The following EPB41L2 variants were observed in gnomAD, a reference collection of about 807,000 sequenced individuals.
EPB41L2 encodes the protein erythrocyte membrane protein band 4.1 like 2.
A neutral mutation model predicts 113.0 loss-of-function variants in EPB41L2; 43 were observed. The ratio of observed to expected loss-of-function variants is 0.38; its 90% CI spans 0.30 to 0.49. EPB41L2 has a LOEUF of 0.49. EPB41L2 is among the 20% of genes least tolerant of loss of function. The pLI is 0.95. For synonymous variants in EPB41L2, 442 were observed against 436.7 expected (o/e 1.01, Z -0.15); for missense variants, 1,147 against 1,223.4 (o/e 0.94, Z 0.93).
chr6:131,006,691 C>T (rs1333379889), intron 1 of EPB41L2, among the ~76,000 whole-genome samples: 1 of 151,154 alleles, frequency 6.6e-6, no homozygotes, highest in South Asian at 2.1e-4. Flanking sequence ...AGATTCATTA[C>T]AAGTTCCATG....
Sources: gnomAD v4.1 joint callset for allele counts (sites outside exome capture counted in the v4.1 genomes callset) on GRCh38, gnomAD v4.1.1 for gene constraint, MANE v1.5 for transcripts, NCBI Gene and HGNC (gene_info 2026-07-23, HGNC 2026-07-21) for gene names.